Variants in HGF observed in about 807,000 individuals in gnomAD.
HGF encodes hepatocyte growth factor.
HGF carries 39 observed loss-of-function variants against 111.6 expected under a neutral mutation model. The observed-to-expected ratio is 0.35, with a 90% CI of 0.27 to 0.46. HGF has a LOEUF of 0.46. Among genes scored for constraint, HGF ranks in the 20% least tolerant of loss-of-function variants. The pLI, the probability that HGF is intolerant of heterozygous loss-of-function variation, is 1.00. For synonymous variants in HGF, 285 were observed against 294.8 expected (o/e 0.97, Z 0.34); for missense variants, 735 against 910.5 (o/e 0.81, Z 2.48).
rs1789239125 is a variant in HGF at position 81,699,848 on chromosome 7, A to G, written c.*2733T>C. Reference sequence around the variant, plus strand: ...CATAATTTGAAACACTTAGATAGCAAGCAAAAGCCTGTTAATACTAGAAAT... The same window carrying G: ...CATAATTTGAAACACTTAGATAGCAGGCAAAAGCCTGTTAATACTAGAAAT... On this transcript the variant is annotated 3_prime_UTR_variant, in exon 18 of 18. Coordinates refer to ENST00000222390, the MANE Select transcript of HGF (RefSeq NM_000601.6). 1 of 151,816 alleles carries G rather than the reference A, an allele frequency of 6.6e-6. No homozygotes were observed. Among genetic ancestry groups the G allele is most frequent in the East Asian group, 1.9e-4 (1 of 5,150 alleles). The allele number at this position is 151,816 out of a possible 1,614,324, so 9.4% of individuals were successfully genotyped here.
At chr7:81,749,818 C>G (rs1248701923) in intron 5 of HGF, among the ~76,000 whole-genome samples, 1 of 151,812 alleles carries the variant, frequency 6.6e-6, no homozygotes, top group African/African-American at 2.4e-5. Context: ...TAATTTTAAA[C>G]AAATTTCAGG....
chr7:81,767,295 GAA>G lies in HGF; in HGVS notation c.88+2587_88+2588del, dbSNP rs79951464. On this transcript the variant is annotated intron_variant, in intron 1 of 17. Coordinates refer to ENST00000222390, the MANE Select transcript of HGF (RefSeq NM_000601.6). ...GCTCGCTTCAATATAAATGAAAAAA[GAA>G]AAAAAAAAAACACCACATAGTTCAT... Among the ~76,000 whole-genome samples, 597 of 126,506 alleles carry G rather than the reference GAA, an allele frequency of 4.7e-3. 3 individuals are homozygous for G. Among genetic ancestry groups the G allele is most frequent in the African/African-American group, 0.016 (577 of 35,276 alleles). 83.0% of individuals were successfully genotyped at this position (126,506 alleles called of 152,430 possible).
chr7:81,729,740 G>T lies in HGF; in HGVS notation c.905C>A (p.Thr302Lys), dbSNP rs770152785. 3 of 1,613,854 alleles carry T rather than the reference G, an allele frequency of 1.9e-6. No homozygotes were observed. The highest frequency in any genetic ancestry group is 4.5e-5 in the East Asian group (2 of 44,830). ...TCCTTGACCTTGGATGCATTCAGTT[G>T]TTTCCAAAGGAACATCAGTGTCATT... ...TMNDTDVPLE[T>K]TECIQGQGEG... The change falls in exon 8 of 18, where the codon ACA becomes AAA. Residue 302 changes from threonine (T) to lysine (K), a missense_variant. By Grantham distance (78) the Thr-to-Lys change is moderately conservative (BLOSUM62 -1). Coordinates refer to ENST00000222390, the MANE Select transcript of HGF (RefSeq NM_000601.6).
intron 8 of HGF, among the ~76,000 whole-genome samples, chr7:81,728,854 A>C (rs1238987983): frequency 6.6e-6 from 1 of 152,226 alleles, no homozygotes; most frequent in Non-Finnish European, 1.5e-5. Context: ...TATTTCAGAA[A>C]AGCCACTATG....
chr7:81,712,715 T>C (rs1789604453), intron 11 of HGF, among the ~76,000 whole-genome samples: 1 of 152,168 alleles, frequency 6.6e-6, no homozygotes, highest in African/African-American at 2.4e-5. Context: ...TAGACCCAGA[T>C]GGTTGTCAAT....
intron 8 of HGF, among the ~76,000 whole-genome samples, chr7:81,726,782 T>C (rs1002769251): frequency 6.6e-6 from 1 of 152,030 alleles, no homozygotes; most frequent in Admixed American, 6.5e-5. Context: ...ATATTCTCTG[T>C]ATGTAGAAGA....
intron 8 of HGF, among the ~76,000 whole-genome samples, chr7:81,727,278 G>C (rs1250351596): frequency 6.6e-5 from 10 of 151,566 alleles, no homozygotes; most frequent in African/African-American, 1.7e-4. Flanking sequence ...CTCCTGACCT[G>C]GTGATCTGCC....
chr7:81,720,006 C>T (rs1167903019), intron 10 of HGF, among the ~76,000 whole-genome samples: 2 of 152,126 alleles, frequency 1.3e-5, no homozygotes, highest in East Asian at 3.9e-4. Flanking sequence ...TGCATATACT[C>T]TGGGATGTTT....
At position 81,752,109 on chromosome 7, in the gene HGF, G is replaced by A. The variant is rs1395272930; in HGVS notation, c.625+11C>T. On this transcript the variant is annotated intron_variant, in intron 5 of 17. Transcript: ENST00000222390. Reference sequence around the variant, plus strand: ...AATAGAATGGCCCACATGGCATTCAGGTTTATTTACCTTCTGAACACTGAG... The same window carrying A: ...AATAGAATGGCCCACATGGCATTCAAGTTTATTTACCTTCTGAACACTGAG... 1.2e-6 allele frequency: 2 copies of A among 1,613,392 alleles called. No individual in the cohort carries two copies. Among genetic ancestry groups the A allele is most frequent in the South Asian group, 1.1e-5 (1 of 91,076 alleles).
At chr7:81,702,816 C>T (rs1242525250) in intron 17 of HGF, 59 bp from the exon 18 acceptor site, 1 of 1,377,224 alleles carries the variant, frequency 7.3e-7, no homozygotes, top group Non-Finnish European at 1.0e-6. Context: ...AGCTCATTAA[C>T]ATAATCATAT....
intron 11 of HGF, among the ~76,000 whole-genome samples, chr7:81,712,210 C>A (rs73712549): frequency 1.3e-5 from 2 of 152,174 alleles, no homozygotes; most frequent in Non-Finnish European, 2.9e-5. Flanking sequence ...CATTGAATAG[C>A]ACTCGTGTTC....
intron 13 of HGF, among the ~76,000 whole-genome samples, chr7:81,709,148 C>T (rs377573120): frequency 8.6e-4 from 130 of 151,996 alleles, no homozygotes; most frequent in African/African-American, 2.9e-3. Context: ...AGGAGGCTAG[C>T]GGTAAGGGAA....
intron 8 of HGF, among the ~76,000 whole-genome samples, chr7:81,729,388 C>G (rs557825048): frequency 6.6e-6 from 1 of 152,262 alleles, no homozygotes; most frequent in East Asian, 1.9e-4. Flanking sequence ...TGGATCTGAA[C>G]CACCTAGGGT....
chr7:81,720,694 G>T, intron 10 of HGF, 51 bp downstream of exon 10: 1 of 968,860 alleles, frequency 1.0e-6, no homozygotes, highest in Non-Finnish European at 1.7e-6. Context: ...TAAATACACA[G>T]TCTGTTGGTA....
At chr7:81,713,481 G>C (rs1789626391) in intron 11 of HGF, among the ~76,000 whole-genome samples, 1 of 150,780 alleles carries the variant, frequency 6.6e-6, no homozygotes, top group South Asian at 2.1e-4. Context: ...AGCCGAAATT[G>C]CTCCACTGCA....
chr7:81,757,063 G>A (rs370178241), intron 4 of HGF, 126 bp downstream of exon 4: 14 of 703,486 alleles, frequency 2.0e-5, no homozygotes, highest in African/African-American at 1.6e-4. Flanking sequence ...AAACCTTGCC[G>A]TAATACAATT....
chr7:81,755,678 A>T, intron 4 of HGF: 1 of 232,960 alleles, frequency 4.3e-6, no homozygotes. Flanking sequence ...CATCTACTTA[A>T]ATAAAATGTT....
chr7:81,751,258 C>T (rs5745653), intron 5 of HGF: 936,651 of 983,044 alleles, frequency 0.95, 446,301 homozygotes, highest in East Asian at 1. Flanking sequence ...AAAATCCTAA[C>T]AATTTTCTAA....
intron 7 of HGF, among the ~76,000 whole-genome samples, chr7:81,737,387 A>C (rs1438898922): frequency 2.6e-5 from 4 of 152,084 alleles, no homozygotes; most frequent in African/African-American, 4.8e-5. Flanking sequence ...GTGTACTCTT[A>C]AGGGGACCAT....
Sources: gnomAD v4.1 joint callset for allele counts (sites outside exome capture counted in the v4.1 genomes callset) on GRCh38, gnomAD v4.1.1 for gene constraint, MANE v1.5 for transcripts, NCBI Gene and HGNC (gene_info 2026-07-23, HGNC 2026-07-21) for gene names.